Variants in HDAC9 observed in about 807,000 individuals in gnomAD.
HDAC9 encodes the protein MEF-2 interacting transcription repressor (MITR) protein.
Under a neutral mutation model 139.4 loss-of-function variants are expected in HDAC9, and 41 were observed. That is an observed-to-expected ratio of 0.29 (90% CI 0.23 to 0.38). The LOEUF is 0.38. Ranked by LOEUF, HDAC9 falls within the 10% of genes least tolerant of loss-of-function variation. The pLI is 1.00. For synonymous variants in HDAC9, 517 were observed against 476.2 expected (o/e 1.09, Z -1.12); for missense variants, 1,147 against 1,297.0 (o/e 0.88, Z 1.78).
intron 13 of HDAC9, among the ~76,000 whole-genome samples, chr7:18,738,624 G>A (rs1232619657): frequency 6.6e-6 from 1 of 152,224 alleles, no homozygotes; most frequent in African/African-American, 2.4e-5. Context: ...TCTGCAGAGA[G>A]ATCCGCTGTT....
intron 12 of HDAC9, among the ~76,000 whole-genome samples, chr7:18,701,709 C>T (rs996009808): frequency 6.6e-6 from 1 of 152,174 alleles, no homozygotes; most frequent in African/African-American, 2.4e-5. Flanking sequence ...CAATGTCATG[C>T]CTAATTCACA....
intron 2 of HDAC9, among the ~76,000 whole-genome samples, chr7:18,218,166 G>GGT (rs1021634578): frequency 3.3e-5 from 5 of 152,138 alleles, no homozygotes; most frequent in African/African-American, 1.2e-4. Context: ...CATACTGGCT[G>GGT]GGTGCAGTGA....
At chr7:18,940,921 G>A (rs1252855831) in intron 23 of HDAC9, among the ~76,000 whole-genome samples, 3 of 152,046 alleles carry the variant, frequency 2.0e-5, no homozygotes, top group Non-Finnish European at 4.4e-5. Flanking sequence ...TAGAAGCCTT[G>A]GGTAGTGAGT....
At chr7:18,874,988 A>G (rs1407225742) in intron 22 of HDAC9, among the ~76,000 whole-genome samples, 1 of 152,202 alleles carries the variant, frequency 6.6e-6, no homozygotes, top group Admixed American at 6.5e-5. Flanking sequence ...AAAAATAACT[A>G]TTTCTTAATA....
chr7:18,317,864 T>C (rs1235578223), intron 1 of HDAC9, among the ~76,000 whole-genome samples: 1 of 152,198 alleles, frequency 6.6e-6, no homozygotes, highest in East Asian at 1.9e-4. Flanking sequence ...CTAACAGAAA[T>C]CCGTGTTGCC....
intron 1 of HDAC9, among the ~76,000 whole-genome samples, chr7:18,460,366 A>G (rs1013731714): frequency 2.0e-5 from 3 of 152,132 alleles, no homozygotes; most frequent in African/African-American, 4.8e-5. Flanking sequence ...GGCAGAATAA[A>G]CAATATTTTT....
intron 2 of HDAC9, among the ~76,000 whole-genome samples, chr7:18,567,668 A>G (rs1304569251): frequency 1.3e-5 from 2 of 152,146 alleles, no homozygotes; most frequent in African/African-American, 4.8e-5. Flanking sequence ...ATCTGGAACA[A>G]CATTTGGGTA....
intron 2 of HDAC9, among the ~76,000 whole-genome samples, chr7:18,284,413 G>T (rs1331963584): frequency 6.6e-6 from 1 of 152,150 alleles, no homozygotes; most frequent in Non-Finnish European, 1.5e-5. Flanking sequence ...TATAGGCTCA[G>T]TTAATGTATT....
At chr7:18,947,921 A>G (rs896793160) in intron 23 of HDAC9, among the ~76,000 whole-genome samples, 10 of 152,166 alleles carry the variant, frequency 6.6e-5, no homozygotes, top group African/African-American at 2.4e-4. Context: ...CTAGAAATAT[A>G]ACATATCAAC....
intron 1 of HDAC9, among the ~76,000 whole-genome samples, chr7:18,375,482 C>CAA (rs199576211): frequency 2.4e-4 from 35 of 148,916 alleles, no homozygotes; most frequent in African/African-American, 6.1e-4. Flanking sequence ...ACAACAACAA[C>CAA]AACAAAAAAA....
At chr7:18,486,183 C>G (rs1795960180) in intron 1 of HDAC9, among the ~76,000 whole-genome samples, 1 of 152,128 alleles carries the variant, frequency 6.6e-6, no homozygotes, top group Admixed American at 6.6e-5. Context: ...TCCTAAAGGT[C>G]TCACTTCTCA....
intron 1 of HDAC9, among the ~76,000 whole-genome samples, chr7:18,433,480 A>G (rs980768495): frequency 6.6e-6 from 1 of 152,194 alleles, no homozygotes; most frequent in Non-Finnish European, 1.5e-5. Flanking sequence ...ATATGATTCT[A>G]TAGTCTCTGC....
At chr7:18,769,044 C>A (rs1454719250) in intron 16 of HDAC9, among the ~76,000 whole-genome samples, 1 of 152,036 alleles carries the variant, frequency 6.6e-6, no homozygotes, top group Non-Finnish European at 1.5e-5. Context: ...GTATTAAATT[C>A]TTTTTTGACT....
At chr7:18,850,100 AGAAAACACAAAT>A (rs1230019100) in intron 21 of HDAC9, among the ~76,000 whole-genome samples, 1 of 150,836 alleles carries the variant, frequency 6.6e-6, no homozygotes, top group Non-Finnish European at 1.5e-5. Flanking sequence ...AAAAAAAAAA[AGAAAACACAAAT>A]AAGCAAACAC....
intron 1 of HDAC9, among the ~76,000 whole-genome samples, chr7:18,147,148 G>T (rs567829957): frequency 2.6e-5 from 4 of 151,910 alleles, no homozygotes; most frequent in African/African-American, 9.6e-5. Flanking sequence ...TGTCTGAAAG[G>T]TGACAGTATA....
chr7:18,655,881 T>G (rs746974990), intron 11 of HDAC9, among the ~76,000 whole-genome samples: 1 of 152,140 alleles, frequency 6.6e-6, no homozygotes, highest in Non-Finnish European at 1.5e-5. Context: ...TTGATTGATG[T>G]TGATTCCAGG....
chr7:18,976,238 C>T (rs1323587176), intron 25 of HDAC9, among the ~76,000 whole-genome samples: 1 of 152,206 alleles, frequency 6.6e-6, no homozygotes, highest in Non-Finnish European at 1.5e-5. Context: ...TAATTGAGTG[C>T]AGATCGTTAT....
At chr7:18,752,790 T>A (rs945392498) in intron 14 of HDAC9, among the ~76,000 whole-genome samples, 3 of 152,134 alleles carry the variant, frequency 2.0e-5, no homozygotes, top group Non-Finnish European at 2.9e-5. Flanking sequence ...CACATAGTCG[T>A]CTGCCGTCTT....
chr7:18,422,339 A>T (rs1003599459), intron 1 of HDAC9, among the ~76,000 whole-genome samples: 10 of 152,206 alleles, frequency 6.6e-5, no homozygotes, highest in Admixed American at 6.5e-4. Flanking sequence ...ACTAGAAAGG[A>T]GAAGATATTG....
Sources: gnomAD v4.1 joint callset for allele counts (sites outside exome capture counted in the v4.1 genomes callset) on GRCh38, gnomAD v4.1.1 for gene constraint, MANE v1.5 for transcripts, NCBI Gene and HGNC (gene_info 2026-07-23, HGNC 2026-07-21) for gene names.